Variants in JPH1 observed in about 807,000 individuals in gnomAD.
JPH1 encodes the protein junctophilin 1, also known as junctophilin-1.
Under a neutral mutation model 53.6 loss-of-function variants are expected in JPH1, and 12 were observed. That is an observed-to-expected ratio of 0.22 (90% CI 0.14 to 0.36). JPH1 has a LOEUF of 0.36. JPH1 is among the 10% of genes least tolerant of loss of function. JPH1 has a pLI of 1.00. For missense variants in JPH1, 808 were observed against 905.5 expected (o/e 0.89, Z 1.38); for synonymous variants, 375 against 363.8 (o/e 1.03, Z -0.35).
Position 74,296,457 on chromosome 8 carries a change from T to C in JPH1, c.1139+18404A>G, listed in dbSNP as rs183549222. ...ATAGCAACTCTATCTGGCTTTAAAGTTCACTAGTTCAGTATTTATTCAGGC... is the reference window on the plus strand; with the variant it reads ...ATAGCAACTCTATCTGGCTTTAAAGCTCACTAGTTCAGTATTTATTCAGGC... On this transcript the variant is annotated intron_variant, in intron 2 of 5. Coordinates refer to ENST00000342232, the MANE Select transcript of JPH1 (RefSeq NM_020647.4). 1.2e-4 allele frequency among the ~76,000 whole-genome samples: 18 copies of C among 152,338 alleles called. No individual in the cohort carries two copies. In the East Asian group the frequency reaches 3.5e-3, roughly 29 times the overall value.
At chr8:74,258,569 T>C (rs1017082984) in intron 3 of JPH1, among the ~76,000 whole-genome samples, 2 of 152,232 alleles carry the variant, frequency 1.3e-5, no homozygotes, top group African/African-American at 4.8e-5. Context: ...TCTTACTCTG[T>C]GCAGATTAAT....
At chr8:74,309,726 G>A (rs1214707680) in intron 2 of JPH1, among the ~76,000 whole-genome samples, 1 of 152,202 alleles carries the variant, frequency 6.6e-6, no homozygotes, top group Non-Finnish European at 1.5e-5. Flanking sequence ...AGGAATTAAG[G>A]AGGCAAAAGC....
chr8:74,295,341 G>T (rs1342054621), intron 2 of JPH1, among the ~76,000 whole-genome samples: 1 of 151,980 alleles, frequency 6.6e-6, no homozygotes, highest in East Asian at 1.9e-4. Context: ...ATAGTTCTTT[G>T]CTATATCACA....
rs113656917 is a variant in JPH1 at position 74,250,291 on chromosome 8, C to A, written c.1259-5116G>T. Among the ~76,000 whole-genome samples, 288 of 152,240 alleles carry A rather than the reference C, an allele frequency of 1.9e-3. 1 individual carries two copies. Among genetic ancestry groups the A allele is most frequent in the Non-Finnish European group, 3.2e-3 (219 of 68,026 alleles). On this transcript the variant is annotated intron_variant, in intron 3 of 5. Coordinates refer to ENST00000342232, the MANE Select transcript of JPH1 (RefSeq NM_020647.4). ...GGGATTACAGGCATGTACTACCAGG[C>A]CCAGCTAATTTTTGTATTTTTAGTG...
At chr8:74,284,829 C>CT (rs201080994) in intron 2 of JPH1, among the ~76,000 whole-genome samples, 17,466 of 122,054 alleles carry the variant, frequency 0.14, 1,558 homozygotes, top group African/African-American at 0.27. Context: ...TTCTTTCTTT[C>CT]TTTTTTTTTT....
At position 74,315,120 on chromosome 8, in the gene JPH1, C is replaced by A; in HGVS notation, c.880G>T (p.Gly294Cys). 6.2e-7 allele frequency: 1 copy of A among 1,614,228 alleles called. No individual in the cohort carries two copies. The highest frequency in any genetic ancestry group is 8.5e-7 in the Non-Finnish European group (1 of 1,180,040). ...ATGCCATTGGAGCGCTCGCTAACGC[C>A]GAAGCCGTTGCGCTTGTCGTTCTTC... ...EWKNDKRNGF[G>C]VSERSNGMKY... Residue 294 changes from glycine to cysteine, a missense_variant, in exon 2 of 6, where the codon GGC becomes TGC. Physicochemically the swap from Gly to Cys is radical, Grantham distance 159. Around this residue, in one of 2 missense-constraint regions of JPH1, gnomAD observed 756 missense variants for 811.9 expected, o/e 0.93. Coordinates refer to ENST00000342232, the MANE Select transcript of JPH1 (RefSeq NM_020647.4). This position sits in a 1 kb window ranked among gnomAD's most constrained non-coding sequence, Gnocchi z 6.3.
chr8:74,259,559 G>A, intron 2 of JPH1, 56 bp from the exon 3 acceptor site: 3 of 1,214,090 alleles, frequency 2.5e-6, no homozygotes, highest in Non-Finnish European at 2.2e-6. Context: ...TACTTACACA[G>A]GGACAAGCAA....
chr8:74,272,567 T>A (rs1244495033), intron 2 of JPH1, among the ~76,000 whole-genome samples: 1 of 151,940 alleles, frequency 6.6e-6, no homozygotes, highest in Non-Finnish European at 1.5e-5. Flanking sequence ...AGGTTCTGAT[T>A]TGATCAGAGA....
intron 4 of JPH1, among the ~76,000 whole-genome samples, chr8:74,241,350 C>T (rs1028605861): frequency 9.9e-5 from 15 of 152,112 alleles, no homozygotes; most frequent in South Asian, 4.2e-4. Flanking sequence ...CTCATAAATA[C>T]GACTGTGGTG....
intron 2 of JPH1, among the ~76,000 whole-genome samples, chr8:74,278,964 CACAG>C (rs1482112971): frequency 2.7e-5 from 4 of 149,030 alleles, no homozygotes; most frequent in African/African-American, 1.0e-4. Flanking sequence ...CACACACACA[CACAG>C]AAACACACAC....
chr8:74,315,629 G>C lies in JPH1; in HGVS notation c.380-9C>G, dbSNP rs1808135265. 2 of 1,584,690 alleles carry C rather than the reference G, an allele frequency of 1.3e-6. No individual in the cohort carries two copies. Among genetic ancestry groups the C allele is most frequent in the Non-Finnish European group, 1.7e-6 (2 of 1,170,112 alleles). On this transcript the variant is annotated splice_polypyrimidine_tract_variant and intron_variant, in intron 1 of 5. Coordinates refer to ENST00000342232, the MANE Select transcript of JPH1 (RefSeq NM_020647.4). This position sits in a 1 kb window ranked among gnomAD's most constrained non-coding sequence, Gnocchi z 6.3. ...CTGGCCCTGGTAGGTACCTTGGAGA[G>C]ACCGCAAGAAAGCACCGTGAGTCGG...
At position 74,235,547 on chromosome 8, in the gene JPH1, T is replaced by C. The variant is rs926366641; in HGVS notation, c.*1504A>G. Reference sequence around the variant, plus strand: ...AAACCATGCAAATCATGAAAATATTTAGGAGTAGCTCCCCCTCTGCAATGT... The same window carrying C: ...AAACCATGCAAATCATGAAAATATTCAGGAGTAGCTCCCCCTCTGCAATGT... On this transcript the variant is annotated 3_prime_UTR_variant, in exon 6 of 6. Coordinates refer to ENST00000342232, the MANE Select transcript of JPH1 (RefSeq NM_020647.4). 13 of 152,552 alleles carry C rather than the reference T, an allele frequency of 8.5e-5. No individual in the cohort carries two copies. The highest frequency in any genetic ancestry group is 2.9e-4 in the African/African-American group (12 of 41,422). The allele number at this position is 152,552 out of a possible 1,614,324, so 9.4% of individuals were successfully genotyped here.
intron 2 of JPH1, among the ~76,000 whole-genome samples, chr8:74,259,712 C>A (rs745914599): frequency 1.3e-5 from 2 of 152,230 alleles, no homozygotes; most frequent in Non-Finnish European, 2.9e-5. Context: ...CTTAGCCCTT[C>A]TCTCAAGGGA....
rs370337299 is a variant in JPH1 at position 74,275,884 on chromosome 8, C to T, written c.1140-16381G>A. On this transcript the variant is annotated intron_variant, in intron 2 of 5. Transcript: ENST00000342232. ...CCTCTTTCTTACGTCAGAATCAAAT[C>T]AGGAAAGAGACCAATTCTGGCCTTA... Among the ~76,000 whole-genome samples, 77 of 152,284 alleles carry T rather than the reference C, an allele frequency of 5.1e-4. No individual in the cohort carries two copies. The South Asian group carries it at 0.011, about 22-fold the overall frequency.
At chr8:74,266,343 C>G (rs1190755572) in intron 2 of JPH1, among the ~76,000 whole-genome samples, 3 of 151,916 alleles carry the variant, frequency 2.0e-5, no homozygotes, top group Non-Finnish European at 2.9e-5. Context: ...CAGTGCTATG[C>G]AGTGATTATA....
chr8:74,279,651 A>C (rs983064577), intron 2 of JPH1, among the ~76,000 whole-genome samples: 1 of 152,186 alleles, frequency 6.6e-6, no homozygotes, highest in Non-Finnish European at 1.5e-5. Flanking sequence ...GGTGAGAAAT[A>C]CCGCAATTCC....
intron 4 of JPH1, among the ~76,000 whole-genome samples, chr8:74,242,939 A>C (rs923993466): frequency 1.6e-4 from 24 of 152,044 alleles, no homozygotes; most frequent in African/African-American, 5.5e-4. Context: ...TTACAGAGAG[A>C]CTCTTTCAGC....
At chr8:74,253,991 T>C (rs955544962) in intron 3 of JPH1, among the ~76,000 whole-genome samples, 3 of 152,140 alleles carry the variant, frequency 2.0e-5, no homozygotes, top group Admixed American at 6.5e-5. Flanking sequence ...CCATTCCTTC[T>C]GAAACCATTC....
rs557153352 is a variant in JPH1 at position 74,287,215 on chromosome 8, T to C, written c.1139+27646A>G. Among the ~76,000 whole-genome samples, 77 of 152,228 alleles carry C rather than the reference T, an allele frequency of 5.1e-4. 1 individual carries two copies. In the South Asian group the frequency reaches 0.015, roughly 29 times the overall value. Reference sequence around the variant, plus strand: ...GGGAGGCTGAGGCGGGTGGATCACCTGAGGTCAGTAGTTTGAGACCAGCCT... The same window carrying C: ...GGGAGGCTGAGGCGGGTGGATCACCCGAGGTCAGTAGTTTGAGACCAGCCT... On this transcript the variant is annotated intron_variant, in intron 2 of 5. Transcript: ENST00000342232.
Sources: gnomAD v4.1 joint callset for allele counts (sites outside exome capture counted in the v4.1 genomes callset) on GRCh38, gnomAD v4.1.1 for gene constraint, gnomAD v4.1.1 regional missense constraint, Gnocchi (gnomAD v3.1) non-coding constraint, MANE v1.5 for transcripts, NCBI Gene and HGNC (gene_info 2026-07-23, HGNC 2026-07-21) for gene names.